The following HIBCH variants were observed in gnomAD, a reference collection of about 807,000 sequenced individuals.
The protein encoded by HIBCH is 3-hydroxyisobutyryl-CoA hydrolase.
A neutral mutation model predicts 58.2 loss-of-function variants in HIBCH; 50 were observed. That is an observed-to-expected ratio of 0.86 (90% CI 0.68 to 1.09). The LOEUF is 1.09. HIBCH is among the 50% of genes least tolerant of loss of function. HIBCH has a pLI of 0.00. For synonymous variants in HIBCH, 151 were observed against 146.9 expected (o/e 1.03, Z -0.20); for missense variants, 450 against 449.7 (o/e 1.00, Z -0.01).
At chr2:190,271,993 T>C (rs990649851) in intron 6 of HIBCH, among the ~76,000 whole-genome samples, 6 of 152,174 alleles carry the variant, frequency 3.9e-5, no homozygotes, top group South Asian at 2.1e-4. Context: ...CCTTACACAA[T>C]TGCACCAACC....
At position 190,252,174 on chromosome 2, in the gene HIBCH, T is replaced by G. The variant is rs1332512254; in HGVS notation, c.651A>C (p.Val217=). The change falls in exon 8 of 14, where the codon GTA becomes GTC. Residue 217 remains valine (V), a synonymous_variant. Transcript: ENST00000359678. ...TCTGAAAAAGTACCTTTTCAGAATCTACAAAGTGTGTAGCAATTCCTGCTC... is the reference window on the plus strand; with the variant it reads ...TCTGAAAAAGTACCTTTTCAGAATCGACAAAGTGTGTAGCAATTCCTGCTC... ...VYRAGIATHF[V]DSEKLAMLEE... 2.5e-6 allele frequency: 4 copies of G among 1,613,838 alleles called. No individual in the cohort carries two copies. Among genetic ancestry groups the G allele is most frequent in the Non-Finnish European group, 3.4e-6 (4 of 1,179,838 alleles).
downstream of HIBCH, chr2:190,199,888 T>G (rs1339121451): frequency 6.2e-7 from 1 of 1,613,842 alleles, no homozygotes; most frequent in Admixed American, 1.7e-5. Flanking sequence ...AAAGCAAACT[T>G]TCCCATTTCC....
At chr2:190,245,507 G>A (rs1437473200) in intron 10 of HIBCH, 2 of 153,278 alleles carry the variant, frequency 1.3e-5, no homozygotes, top group African/African-American at 4.8e-5. Context: ...TTGCTGTTCA[G>A]CTTGGTAAGA....
intron 2 of HIBCH, among the ~76,000 whole-genome samples, chr2:190,299,619 T>C (rs901586980): frequency 3.3e-5 from 5 of 152,194 alleles, no homozygotes; most frequent in Non-Finnish European, 5.9e-5. Flanking sequence ...CACAGATAGA[T>C]ACACATGGCT....
chr2:190,273,834 C>T (rs1185309622), intron 6 of HIBCH, among the ~76,000 whole-genome samples: 1 of 151,830 alleles, frequency 6.6e-6, no homozygotes, highest in Non-Finnish European at 1.5e-5. Context: ...CTCAGGTTCT[C>T]TTTTTTTTCC....
intron 1 of HIBCH, among the ~76,000 whole-genome samples, chr2:190,311,605 C>T (rs1023947792): frequency 2.6e-5 from 4 of 152,138 alleles, no homozygotes; most frequent in East Asian, 1.9e-4. Context: ...CCACTAATTC[C>T]GCAAGCATTT....
rs1559008954 is a variant in HIBCH, at chr2:190,204,750, CA to C, written c.*366del. ...TAGATATACCACTCAAGAGAATCTC[CA>C]AAGATCTTCACATTTTTCCATCTTC... On this transcript the variant is annotated 3_prime_UTR_variant, in exon 14 of 14. Transcript: ENST00000359678. The C allele has an allele frequency of 4.1e-6, 1 of 244,966 alleles. No homozygotes were observed. The highest frequency in any genetic ancestry group is 8.0e-6 in the Non-Finnish European group (1 of 124,816). The allele number at this position is 244,966 out of a possible 1,614,324, so 15.2% of individuals were successfully genotyped here.
chr2:190,286,298 T>C (rs999882704), intron 6 of HIBCH, among the ~76,000 whole-genome samples: 1 of 152,202 alleles, frequency 6.6e-6, no homozygotes, highest in African/African-American at 2.4e-5. Context: ...CCAATCATAC[T>C]TCTATATGAC....
chr2:190,296,907 T>C lies in HIBCH; in HGVS notation c.125A>G (p.Lys42Arg), dbSNP rs370294962. Residue 42 changes from lysine to arginine, a missense_variant, in exon 3 of 14, where the codon AAA becomes AGA. Lys to Arg is a conservative substitution (Grantham distance 26). Coordinates refer to ENST00000359678, the MANE Select transcript of HIBCH (RefSeq NM_014362.4). ...TGTTATGACTCCCGTGCAACCTTTT[T>C]TTTCCAATAGCACCTCTTCTGCTGC... Reference protein sequence around the residue: ...TDAAEEVLLEKKGCTGVITLN... With the variant: ...TDAAEEVLLERKGCTGVITLN... 91 of 1,613,992 alleles carry C rather than the reference T, an allele frequency of 5.6e-5. 1 individual carries two copies. Among genetic ancestry groups the C allele is most frequent in the Non-Finnish European group, 7.2e-5 (85 of 1,179,964 alleles).
Position 190,261,145 on chromosome 2 carries a change from T to C in HIBCH, c.517+11A>G. ...CTAAAAGTAATTATAAAAAAAATTCTGGTTGTTTACCTATTGCAGTTTCTG... is the reference window on the plus strand; with the variant it reads ...CTAAAAGTAATTATAAAAAAAATTCCGGTTGTTTACCTATTGCAGTTTCTG... On this transcript the variant is annotated intron_variant, in intron 7 of 13. Coordinates refer to ENST00000359678, the MANE Select transcript of HIBCH (RefSeq NM_014362.4). The C allele has an allele frequency of 1.2e-6, 2 of 1,601,626 alleles. No individual in the cohort carries two copies. The highest frequency in any genetic ancestry group is 1.7e-6 in the Non-Finnish European group (2 of 1,169,122).
At chr2:190,235,382 T>G (rs1686245592) in intron 11 of HIBCH, among the ~76,000 whole-genome samples, 3 of 152,214 alleles carry the variant, frequency 2.0e-5, no homozygotes, top group Admixed American at 2.0e-4. Context: ...GAGAACAGTT[T>G]GTTGTTTACT....
chr2:190,221,104 C>A (rs1480367676), intron 11 of HIBCH, among the ~76,000 whole-genome samples: 1 of 152,156 alleles, frequency 6.6e-6, no homozygotes, highest in African/African-American at 2.4e-5. Context: ...CACACACAAA[C>A]ACACACAAAT....
intron 6 of HIBCH, among the ~76,000 whole-genome samples, chr2:190,274,944 T>G (rs1687507906): frequency 1.3e-5 from 2 of 152,242 alleles, no homozygotes; most frequent in Non-Finnish European, 2.9e-5. Context: ...AAAAGGTAAC[T>G]TGTGCTGTTT....
chr2:190,224,665 G>C (rs916737009), intron 11 of HIBCH, among the ~76,000 whole-genome samples: 1 of 152,096 alleles, frequency 6.6e-6, no homozygotes, highest in Non-Finnish European at 1.5e-5. Flanking sequence ...AAGAGACTCA[G>C]ACTCCCACAC....
At chr2:190,212,836 A>G in intron 12 of HIBCH, 120 bp downstream of exon 12, 1 of 840,326 alleles carries the variant, frequency 1.2e-6, no homozygotes, top group Non-Finnish European at 1.9e-6. Flanking sequence ...GTGTTTTTGT[A>G]GAGTAAATTT....
chr2:190,208,826 A>T (rs1328892748), intron 13 of HIBCH, 54 bp downstream of exon 13: 5 of 1,462,548 alleles, frequency 3.4e-6, no homozygotes, highest in Non-Finnish European at 4.8e-6. Flanking sequence ...AATTAACAGC[A>T]TATGCTCACA....
intron 8 of HIBCH, among the ~76,000 whole-genome samples, chr2:190,251,959 T>C (rs1686784911): frequency 6.6e-6 from 1 of 152,156 alleles, no homozygotes. Context: ...CAGGTATCAT[T>C]ATCTCCAGTT....
intron 2 of HIBCH, among the ~76,000 whole-genome samples, chr2:190,305,550 C>T (rs1473257833): frequency 1.3e-5 from 2 of 152,124 alleles, no homozygotes; most frequent in African/African-American, 4.8e-5. Context: ...ACCTTAATTA[C>T]ATATACAACA....
intron 6 of HIBCH, among the ~76,000 whole-genome samples, chr2:190,268,746 T>G (rs902141949): frequency 6.6e-6 from 1 of 152,228 alleles, no homozygotes; most frequent in African/African-American, 2.4e-5. Flanking sequence ...AAAGCAATTT[T>G]TTTTAACTGC....
Sources: allele counts gnomAD v4.1 joint callset (sites outside exome capture counted in the v4.1 genomes callset), GRCh38; gene constraint gnomAD v4.1.1; transcripts MANE v1.5; gene names NCBI Gene and HGNC (gene_info 2026-07-23, HGNC 2026-07-21).